Variants in TMTC4 observed in about 807,000 individuals in gnomAD.
The protein encoded by TMTC4 is transmembrane O-mannosyltransferase targeting cadherins 4.
TMTC4 carries 65 observed loss-of-function variants against 86.0 expected under a neutral mutation model. The observed-to-expected ratio is 0.76, with a 90% CI of 0.62 to 0.93. The LOEUF is 0.93. Ranked by LOEUF, TMTC4 falls within the 40% of genes least tolerant of loss-of-function variation. The pLI is 0.00. For synonymous variants in TMTC4, 379 were observed against 382.5 expected (o/e 0.99, Z 0.11); for missense variants, 866 against 948.1 (o/e 0.91, Z 1.14).
intron 12 of TMTC4, among the ~76,000 whole-genome samples, chr13:100,634,049 G>C (rs1881826482): frequency 1.3e-5 from 2 of 151,210 alleles, no homozygotes; most frequent in South Asian, 4.2e-4. Context: ...TGAGGCCGGA[G>C]AATCCCTTGA....
At chr13:100,612,317 T>C (rs939281468) in intron 17 of TMTC4, 81 bp downstream of exon 17, 1 of 1,127,520 alleles carries the variant, frequency 8.9e-7, no homozygotes, top group African/African-American at 1.6e-5. Flanking sequence ...ATTCCTAATT[T>C]AACTGGGCAG....
intron 6 of TMTC4, among the ~76,000 whole-genome samples, chr13:100,647,979 T>C (rs1234172326): frequency 2.6e-5 from 4 of 152,172 alleles, no homozygotes; most frequent in African/African-American, 7.2e-5. Flanking sequence ...CCATCCTCTA[T>C]TGCAATTCTG....
intron 15 of TMTC4, among the ~76,000 whole-genome samples, chr13:100,623,110 A>G (rs1195745497): frequency 6.6e-6 from 1 of 152,230 alleles, no homozygotes; most frequent in East Asian, 1.9e-4. Context: ...ATTGTTCCCC[A>G]CAAACCATGG....
At chr13:100,636,246 C>G (rs945665807) in intron 10 of TMTC4, among the ~76,000 whole-genome samples, 5 of 152,146 alleles carry the variant, frequency 3.3e-5, no homozygotes, top group Non-Finnish European at 7.4e-5. Context: ...GTAAATTACT[C>G]TTTACCACCT....
chr13:100,672,671 T>C (rs1237905238), intron 1 of TMTC4, among the ~76,000 whole-genome samples: 2 of 152,180 alleles, frequency 1.3e-5, no homozygotes, highest in East Asian at 3.9e-4. Context: ...AAATATTTTT[T>C]TGTAGAGACA....
At chr13:100,660,943 T>C (rs1377194086) in intron 5 of TMTC4, among the ~76,000 whole-genome samples, 2 of 152,200 alleles carry the variant, frequency 1.3e-5, no homozygotes, top group African/African-American at 4.8e-5. Flanking sequence ...TGTGAGCCAC[T>C]GCGCCTGGCC....
Position 100,664,259 on chromosome 13 carries a change from G to A in TMTC4, c.297C>T (p.Ser99=). ...CGGTGAGAGGCCGGTAGGACTTGTGGCTGGTGTTGCTGCTCAGTCTACTGC... is the reference window on the plus strand; with the variant it reads ...CGGTGAGAGGCCGGTAGGACTTGTGACTGGTGTTGCTGCTCAGTCTACTGC... ...FWGSRLSSNT[S]HKSYRPLTVL... is the part of the protein sequence containing the mutation. The change falls in exon 4 of 19, where the codon AGC becomes AGT. Residue 99 remains serine, a synonymous_variant. Coordinates refer to ENST00000342624, the MANE Select transcript of TMTC4 (RefSeq NM_032813.5). 1 of 1,612,318 alleles carries A rather than the reference G, an allele frequency of 6.2e-7. No homozygotes were observed. The highest frequency in any genetic ancestry group is 8.5e-7 in the Non-Finnish European group (1 of 1,179,164).
At chr13:100,617,956 C>T (rs760272942) in intron 15 of TMTC4, among the ~76,000 whole-genome samples, 4 of 152,182 alleles carry the variant, frequency 2.6e-5, no homozygotes, top group Non-Finnish European at 5.9e-5. Flanking sequence ...AATGATTCTT[C>T]CAATCCATGG....
intron 6 of TMTC4, among the ~76,000 whole-genome samples, chr13:100,652,478 C>T (rs1485018576): frequency 2.6e-5 from 4 of 151,924 alleles, no homozygotes; most frequent in East Asian, 1.9e-4. Context: ...GACTTGGTCT[C>T]GAAATAAATA....
rs747424565 is a variant in TMTC4, at chr13:100,614,463, C to A, written c.1837-33G>T. 1.9e-5 allele frequency: 27 copies of A among 1,438,450 alleles called. 1 individual carries two copies. The highest frequency in any genetic ancestry group is 2.4e-5 in the South Asian group (2 of 84,938). 89.1% of individuals were successfully genotyped at this position (1,438,450 alleles called of 1,614,324 possible). A position where few individuals can be genotyped will look rare whatever the true frequency, so the allele number is the denominator to read the frequency against. ...TAAAACACACCAAAAAATCAGTATT[C>A]CAAGTTTCCTGCTTCCTCTTTCCAA... On this transcript the variant is annotated intron_variant, in intron 15 of 18. Transcript: ENST00000342624.
In TMTC4 at chr13:100,648,500, C is replaced by T. The variant is rs1162843993; in HGVS notation, c.641-6189G>A. Among the ~76,000 whole-genome samples, 15 of 152,224 alleles carry T rather than the reference C, an allele frequency of 9.9e-5. No homozygotes were observed. In the East Asian group the frequency reaches 1.5e-3, roughly 16 times the overall value. On this transcript the variant is annotated intron_variant, in intron 6 of 18. Coordinates refer to ENST00000342624, the MANE Select transcript of TMTC4 (RefSeq NM_032813.5). ...GCCACATATGGCTCCTGTGGTATTT[C>T]GATTGCATGGCAGTGTCTAGACCAT...
chr13:100,643,242 G>A (rs376361544), intron 6 of TMTC4, among the ~76,000 whole-genome samples: 16 of 152,188 alleles, frequency 1.1e-4, no homozygotes, highest in East Asian at 3.9e-4. Flanking sequence ...GGACAAAAGC[G>A]AACCTTCTTG....
intron 6 of TMTC4, among the ~76,000 whole-genome samples, chr13:100,644,764 C>G (rs948751606): frequency 6.6e-6 from 1 of 152,086 alleles, no homozygotes; most frequent in Non-Finnish European, 1.5e-5. Flanking sequence ...GCCAGCTGAT[C>G]GACAGGAAAG....
chr13:100,621,702 G>T (rs1245151610), intron 15 of TMTC4, among the ~76,000 whole-genome samples: 5 of 152,238 alleles, frequency 3.3e-5, no homozygotes, highest in Non-Finnish European at 1.5e-5. Context: ...TGGGATTACA[G>T]GCGTGAGCCA....
intron 1 of TMTC4, 189 bp downstream of exon 1, chr13:100,674,555 G>T (rs1887593385): frequency 2.0e-6 from 2 of 982,086 alleles, no homozygotes; most frequent in South Asian, 9.4e-5. Context: ...AGGGGCCCGC[G>T]TCCCCCGTGA....
intron 16 of TMTC4, 149 bp from the exon 17 acceptor site, chr13:100,612,659 A>G (rs534669779): frequency 4.6e-4 from 58 of 125,434 alleles, no homozygotes; most frequent in African/African-American, 2.5e-3. Flanking sequence ...TGTAATACAC[A>G]CACACACACA....
chr13:100,662,979 A>G lies in TMTC4; in HGVS notation c.537T>C (p.Pro179=), dbSNP rs749473901. 90 of 1,613,874 alleles carry G rather than the reference A, an allele frequency of 5.6e-5. No homozygotes were observed. Among genetic ancestry groups the G allele is most frequent in the Non-Finnish European group, 7.5e-5 (88 of 1,180,018 alleles). The change falls in exon 5 of 19, where the codon CCT becomes CCC. Residue 179 remains proline (P), a synonymous_variant. Transcript: ENST00000342624. ...LLAALLFAVH[P]VHTECVAGVV... ...CGACACTTACACACTCGGTGTGCAC[A>G]GGATGGACAGCAAACAGCAGCGCGG...
chr13:100,673,228 A>G (rs1015580883), intron 1 of TMTC4: 1 of 803,204 alleles, frequency 1.2e-6, no homozygotes, highest in Non-Finnish European at 1.5e-6. Flanking sequence ...AGAAAAACAA[A>G]TGTCATCCAG....
chr13:100,622,702 T>A (rs1179816430), intron 15 of TMTC4, among the ~76,000 whole-genome samples: 1 of 152,196 alleles, frequency 6.6e-6, no homozygotes, highest in South Asian at 2.1e-4. Flanking sequence ...TTACCCAGTG[T>A]CAGGTATATC....
Sources: gnomAD v4.1 joint callset for allele counts (sites outside exome capture counted in the v4.1 genomes callset) on GRCh38, gnomAD v4.1.1 for gene constraint, MANE v1.5 for transcripts, NCBI Gene and HGNC (gene_info 2026-07-23, HGNC 2026-07-21) for gene names.